The following LPAR1 variants were observed in gnomAD, a reference collection of about 807,000 sequenced individuals.
LPAR1 encodes the protein lysophosphatidic acid receptor 1, also known as LPA receptor 1.
A neutral mutation model predicts 23.8 loss-of-function variants in LPAR1; 5 were observed. That is an observed-to-expected ratio of 0.21 (90% CI 0.11 to 0.44). LPAR1 has a LOEUF of 0.44. Among genes scored for constraint, LPAR1 ranks in the 20% least tolerant of loss-of-function variants. The pLI is 0.99. For missense variants in LPAR1, 311 were observed against 482.8 expected (o/e 0.64, Z 3.33); for synonymous variants, 160 against 164.7 (o/e 0.97, Z 0.22).
At chr9:110,924,050 CA>C (rs1437723157) in intron 5 of LPAR1, among the ~76,000 whole-genome samples, 8 of 151,804 alleles carry the variant, frequency 5.3e-5, no homozygotes, top group African/African-American at 1.9e-4. Context: ...AAAGATAACA[CA>C]AATGGTTGTA....
chr9:110,895,699 G>A (rs1267675048), intron 5 of LPAR1, among the ~76,000 whole-genome samples: 1 of 152,142 alleles, frequency 6.6e-6, no homozygotes, highest in Non-Finnish European at 1.5e-5. Flanking sequence ...GATGCACTCT[G>A]GCCACCTCGG....
chr9:111,029,696 C>T (rs1209033886), intron 2 of LPAR1, among the ~76,000 whole-genome samples: 1 of 152,058 alleles, frequency 6.6e-6, no homozygotes, highest in East Asian at 1.9e-4. Context: ...GAGTCCATAT[C>T]GCTCCATGTT....
intron 5 of LPAR1, among the ~76,000 whole-genome samples, chr9:110,892,802 AAGG>A: frequency 1.0e-5 from 1 of 98,800 alleles, no homozygotes; most frequent in Non-Finnish European, 2.0e-5. Context: ...GGAAGGAAGG[AAGG>A]AAGGAAGGAA....
intron 4 of LPAR1, among the ~76,000 whole-genome samples, chr9:110,959,709 G>T (rs2095887971): frequency 6.6e-6 from 1 of 152,124 alleles, no homozygotes; most frequent in Admixed American, 6.6e-5. Context: ...TGTTACCACA[G>T]CACTATTTAA....
chr9:111,025,382 G>A (rs751686652), intron 2 of LPAR1, among the ~76,000 whole-genome samples: 10 of 151,960 alleles, frequency 6.6e-5, no homozygotes, highest in African/African-American at 9.7e-5. Context: ...CTTCGCCCAC[G>A]TTTTGATGGA....
chr9:110,999,538 G>T (rs1936605156), intron 2 of LPAR1: 1 of 419,642 alleles, frequency 2.4e-6, no homozygotes, highest in African/African-American at 2.1e-5. Context: ...AGACTGGGTG[G>T]CTTAAACAAC....
At chr9:111,009,998 AATATATATATATAT>A (rs55696642) in intron 2 of LPAR1, among the ~76,000 whole-genome samples, 1,823 of 123,372 alleles carry the variant, frequency 0.015, 24 homozygotes, top group South Asian at 0.032. Flanking sequence ...TAATTAGGAA[AATATATATATATAT>A]ATATATATAT....
chr9:110,994,912 AAGG>A (rs957061515), intron 2 of LPAR1, among the ~76,000 whole-genome samples: 1 of 152,216 alleles, frequency 6.6e-6, no homozygotes, highest in Non-Finnish European at 1.5e-5. Context: ...TCTTCTGAAA[AAGG>A]AGAAGTCTAG....
intron 5 of LPAR1, among the ~76,000 whole-genome samples, chr9:110,915,109 T>C (rs566889148): frequency 2.0e-5 from 3 of 152,362 alleles, no homozygotes; most frequent in African/African-American, 7.2e-5. Flanking sequence ...AAACTCCCTG[T>C]ATAATTGTAC....
chr9:110,897,264 G>C (rs2086737681), intron 5 of LPAR1, among the ~76,000 whole-genome samples: 1 of 152,098 alleles, frequency 6.6e-6, no homozygotes. Context: ...TCTCATGATA[G>C]CAAATGGGTC....
intron 2 of LPAR1, among the ~76,000 whole-genome samples, chr9:111,000,586 C>T (rs551697742): frequency 6.6e-6 from 1 of 152,316 alleles, no homozygotes; most frequent in East Asian, 1.9e-4. Flanking sequence ...AGCCACGTGC[C>T]TCAGTGTGAG....
chr9:110,974,346 C>A (rs1420182176), intron 2 of LPAR1, among the ~76,000 whole-genome samples: 1 of 152,178 alleles, frequency 6.6e-6, no homozygotes, highest in East Asian at 1.9e-4. Flanking sequence ...ACAGCAGGAA[C>A]TGTGGAGTTG....
rs183247246 is a variant in LPAR1, at chr9:110,915,502, C to T, written c.793+25919G>A. ...TGGAGGTTGTAGTGAGCAGAGATCACGCCATTGCACTCCAGCCTGGGAGAC... is the reference window on the plus strand; with the variant it reads ...TGGAGGTTGTAGTGAGCAGAGATCATGCCATTGCACTCCAGCCTGGGAGAC... On this transcript the variant is annotated intron_variant, in intron 5 of 5. Coordinates refer to ENST00000683809, the MANE Select transcript of LPAR1 (RefSeq NM_001351411.2). Among the ~76,000 whole-genome samples the T allele has an allele frequency of 3.8e-3, 585 of 152,196 alleles. 4 individuals are homozygous for T. Among genetic ancestry groups the T allele is most frequent in the Non-Finnish European group, 6.3e-3 (429 of 68,004 alleles).
At chr9:111,030,299 C>T (rs1026446898) in intron 2 of LPAR1, among the ~76,000 whole-genome samples, 1 of 152,154 alleles carries the variant, frequency 6.6e-6, no homozygotes, top group African/African-American at 2.4e-5. Context: ...GAATGAATGC[C>T]TCACTTAGTT....
intron 5 of LPAR1, among the ~76,000 whole-genome samples, chr9:110,902,952 C>A (rs547445781): frequency 6.6e-6 from 1 of 152,302 alleles, no homozygotes; most frequent in East Asian, 1.9e-4. Flanking sequence ...ACCAAAATAG[C>A]ACCACAAAGT....
chr9:110,936,688 A>T (rs144019760), intron 5 of LPAR1, among the ~76,000 whole-genome samples: 2 of 152,198 alleles, frequency 1.3e-5, no homozygotes, highest in African/African-American at 4.8e-5. Context: ...CTAGAAAAAC[A>T]GTGTCTCCCT....
At chr9:111,026,292 G>A (rs533405252) in intron 2 of LPAR1, among the ~76,000 whole-genome samples, 5 of 152,256 alleles carry the variant, frequency 3.3e-5, no homozygotes, top group African/African-American at 1.2e-4. Context: ...TGTAGCAATT[G>A]TGAATGGGAG....
intron 5 of LPAR1, among the ~76,000 whole-genome samples, chr9:110,879,642 T>C (rs185433126): frequency 1.3e-5 from 2 of 152,180 alleles, no homozygotes; most frequent in African/African-American, 4.8e-5. Flanking sequence ...CCTCCCACTA[T>C]GGGATTGTAA....
chr9:111,022,233 T>C (rs2097573241), intron 2 of LPAR1, among the ~76,000 whole-genome samples: 1 of 152,080 alleles, frequency 6.6e-6, no homozygotes, highest in South Asian at 2.1e-4. Flanking sequence ...TAAAGGCACT[T>C]AATACTAATA....
Sources: gnomAD v4.1 joint callset for allele counts (sites outside exome capture counted in the v4.1 genomes callset) on GRCh38, gnomAD v4.1.1 for gene constraint, MANE v1.5 for transcripts, NCBI Gene and HGNC (gene_info 2026-07-23, HGNC 2026-07-21) for gene names.